SMAD2: variants seen among roughly 807,000 people sequenced by gnomAD.
SMAD2 encodes SMAD family member 2.
In SMAD2, 8 loss-of-function variants were observed where a neutral mutation model predicts 64.4. The observed-to-expected ratio is 0.12, with a 90% CI of 0.07 to 0.22. SMAD2 has a LOEUF of 0.22. Ranked by LOEUF, SMAD2 falls within the 10% of genes least tolerant of loss-of-function variation. The pLI, the probability that SMAD2 is intolerant of heterozygous loss-of-function variation, is 1.00. For missense variants in SMAD2, 289 were observed against 561.2 expected (o/e 0.51, Z 4.90); for synonymous variants, 203 against 195.8 (o/e 1.04, Z -0.31).
At chr18:47,889,056 G>C (rs573143954) in intron 2 of SMAD2, among the ~76,000 whole-genome samples, 1 of 151,620 alleles carries the variant, frequency 6.6e-6, no homozygotes, top group Non-Finnish European at 1.5e-5. Context: ...ACAAAAACAG[G>C]ATCAGTAAAC....
chr18:47,911,016 A>T (rs2034105139), intron 1 of SMAD2, among the ~76,000 whole-genome samples: 1 of 152,242 alleles, frequency 6.6e-6, no homozygotes, highest in Admixed American at 6.5e-5. Context: ...AAAGGTCCTC[A>T]AACTGAGGAT....
chr18:47,841,750 C>A lies in SMAD2; in HGVS notation c.*77G>T. 6.4e-7 allele frequency: 1 copy of A among 1,556,066 alleles called. No homozygotes were observed. Among genetic ancestry groups the A allele is most frequent in the South Asian group, 1.1e-5 (1 of 89,254 alleles). On this transcript the variant is annotated 3_prime_UTR_variant, in exon 11 of 11. Coordinates refer to ENST00000262160, the MANE Select transcript of SMAD2 (RefSeq NM_005901.6). ...CTTGAACTTTTGGATAGTAAACAGT[C>A]CATAGGGACCACACACAATGCTATG...
Position 47,818,124 on chromosome 18 carries a change from T to C in SMAD2, c.*23703A>G, listed in dbSNP as rs948200926. ...AGAGACTGCAGCTATAGAGTTGATA[T>C]GTAGAGTCTTCTAAGCTCTCTAATT... On this transcript the variant is annotated 3_prime_UTR_variant, in exon 11 of 11. Coordinates refer to ENST00000262160, the MANE Select transcript of SMAD2 (RefSeq NM_005901.6). 2 of 152,220 alleles carry C rather than the reference T, an allele frequency of 1.3e-5. No homozygotes were observed. Among genetic ancestry groups the C allele is most frequent in the Non-Finnish European group, 2.9e-5 (2 of 68,042 alleles). The allele number at this position is 152,220 out of a possible 1,614,324, so 9.4% of individuals were successfully genotyped here. A position where few individuals can be genotyped will look rare whatever the true frequency, so the allele number is the denominator to read the frequency against.
In SMAD2 at chr18:47,815,314, G is replaced by A. The variant is rs1912332543; in HGVS notation, c.*26513C>T. 1 of 152,206 alleles carries A rather than the reference G, an allele frequency of 6.6e-6. No individual in the cohort carries two copies. The highest frequency in any genetic ancestry group is 2.1e-4 in the South Asian group (1 of 4,832). The allele number at this position is 152,206 out of a possible 1,614,324, so 9.4% of individuals were successfully genotyped here. A position where few individuals can be genotyped will look rare whatever the true frequency, so the allele number is the denominator to read the frequency against. On this transcript the variant is annotated 3_prime_UTR_variant, in exon 11 of 11. Transcript: ENST00000262160. ...CATGAGAAATTGATGTGAAATGAAG[G>A]AACTGTAACTTCTTTTCTGCATGAT...
At position 47,869,348 on chromosome 18, in the gene SMAD2, T is replaced by C. The variant is rs2144378691; in HGVS notation, c.415A>G (p.Ser139Gly). The change falls in exon 4 of 11, where the codon AGT becomes GGT. Residue 139 changes from serine to glycine, a missense_variant. Ser to Gly is a moderately conservative substitution (Grantham distance 56, BLOSUM62 0). This residue lies in a region of SMAD2 where 119 missense variants were observed against 156.7 expected (regional missense o/e 0.76). Transcript: ENST00000262160. Reference protein sequence around the residue: ...CRLWRWPDLHSHHELKAIENC... With the variant: ...CRLWRWPDLHGHHELKAIENC... ...TCAATTGCCTTGAGTTCATGATGAC[T>C]GTGAAGATCAGGCCAGCGCCATAAT... is the stretch of plus-strand genomic sequence containing the variant. 1 of 1,613,638 alleles carries C rather than the reference T, an allele frequency of 6.2e-7. No homozygotes were observed. Among genetic ancestry groups the C allele is most frequent in the Non-Finnish European group, 8.5e-7 (1 of 1,179,724 alleles).
chr18:47,828,538 T>C lies in SMAD2; in HGVS notation c.*13289A>G. The stretch of plus-strand genomic sequence containing the variant: ...AAAGAGAGATCAGATTGTTGCTGTG[T>C]CTGTGTAGAAAGAAGTAGACATAGG... On this transcript the variant is annotated 3_prime_UTR_variant, in exon 11 of 11. Coordinates refer to ENST00000262160, the MANE Select transcript of SMAD2 (RefSeq NM_005901.6). The C allele has an allele frequency of 5.9e-6, 1 of 169,942 alleles. No homozygotes were observed. 10.5% of individuals were successfully genotyped at this position (169,942 alleles called of 1,614,324 possible).
chr18:47,894,775 G>A (rs2033360307), intron 2 of SMAD2, among the ~76,000 whole-genome samples: 2 of 152,164 alleles, frequency 1.3e-5, no homozygotes, highest in Admixed American at 1.3e-4. Context: ...AGCAAACACT[G>A]TATCTTAACT....
chr18:47,814,121 A>C lies in SMAD2; in HGVS notation c.*27706T>G, dbSNP rs1240425423. The C allele has an allele frequency of 6.6e-6, 1 of 152,226 alleles. No individual in the cohort carries two copies. Among genetic ancestry groups the C allele is most frequent in the African/African-American group, 2.4e-5 (1 of 41,460 alleles). The allele number at this position is 152,226 out of a possible 1,614,324, so 9.4% of individuals were successfully genotyped here. On this transcript the variant is annotated 3_prime_UTR_variant, in exon 11 of 11. Transcript: ENST00000262160. ...CACTGAAGCAAGAGAGTCTGGGGCA[A>C]GAATGTCTCTATTGGGTCAAGACTT...
chr18:47,868,588 T>C, intron 4 of SMAD2, 131 bp from the exon 5 acceptor site: 2 of 684,510 alleles, frequency 2.9e-6, no homozygotes, highest in Non-Finnish European at 5.2e-6. Flanking sequence ...ACTCGATATA[T>C]ACTAGTTACT....
At chr18:47,871,150 C>T (rs778897880) in intron 2 of SMAD2, among the ~76,000 whole-genome samples, 17 of 152,082 alleles carry the variant, frequency 1.1e-4, no homozygotes, top group Non-Finnish European at 2.2e-4. Context: ...CATTTCTCTC[C>T]AGAATATGGG....
In SMAD2 at chr18:47,809,153, C is replaced by A. The variant is rs1467518976; in HGVS notation, c.*32674G>T. The A allele has an allele frequency of 6.6e-6, 1 of 152,362 alleles. No homozygotes were observed. Among genetic ancestry groups the A allele is most frequent in the Non-Finnish European group, 1.5e-5 (1 of 68,162 alleles). The allele number at this position is 152,362 out of a possible 1,614,324, so 9.4% of individuals were successfully genotyped here. ...ACAAGGCTGTCCTCCTCGGGCATCT[C>A]TGGGGAGGTGGAGGTCAAAGGGATG... is the stretch of plus-strand genomic sequence containing the variant. On this transcript the variant is annotated 3_prime_UTR_variant, in exon 11 of 11. Coordinates refer to ENST00000262160, the MANE Select transcript of SMAD2 (RefSeq NM_005901.6).
At chr18:47,845,899 A>AT in intron 8 of SMAD2, 99 bp from the exon 9 acceptor site, 1 of 1,046,194 alleles carries the variant, frequency 9.6e-7, no homozygotes, top group South Asian at 1.3e-5. Flanking sequence ...GATATAAGGT[A>AT]TTTCCAGGAT....
Position 47,831,841 on chromosome 18 carries a change from T to TA in SMAD2, c.*9985dup. On this transcript the variant is annotated 3_prime_UTR_variant, in exon 11 of 11. Coordinates refer to ENST00000262160, the MANE Select transcript of SMAD2 (RefSeq NM_005901.6). ...CATACCTATTTATTGCAGCAAAAGATAATTTTTATGTGTAAATTAGCTTTT... is the reference window on the plus strand; with the variant it reads ...CATACCTATTTATTGCAGCAAAAGATAAATTTTTATGTGTAAATTAGCTTTT... 6.6e-6 allele frequency: 1 copy of TA among 152,370 alleles called. No homozygotes were observed. The highest frequency in any genetic ancestry group is 1.9e-4 in the East Asian group (1 of 5,196). The allele number at this position is 152,370 out of a possible 1,614,324, so 9.4% of individuals were successfully genotyped here. A position where few individuals can be genotyped will look rare whatever the true frequency, so the allele number is the denominator to read the frequency against.
chr18:47,918,890 A>T (rs1215963503), intron 1 of SMAD2, among the ~76,000 whole-genome samples: 1 of 152,190 alleles, frequency 6.6e-6, no homozygotes, highest in East Asian at 1.9e-4. Context: ...TCCCAACAAC[A>T]GTTCCAAACA....
chr18:47,892,809 G>T (rs1339181586), intron 2 of SMAD2, among the ~76,000 whole-genome samples: 2 of 152,126 alleles, frequency 1.3e-5, no homozygotes, highest in African/African-American at 4.8e-5. Flanking sequence ...TCAAAAATGT[G>T]ATTACATGGT....
At chr18:47,915,343 T>A (rs541707377) in intron 1 of SMAD2, among the ~76,000 whole-genome samples, 14 of 152,318 alleles carry the variant, frequency 9.2e-5, no homozygotes, top group African/African-American at 3.4e-4. Context: ...TACTGTTCAG[T>A]CCATGCTGAT....
At chr18:47,893,407 T>A (rs943471740) in intron 2 of SMAD2, among the ~76,000 whole-genome samples, 13 of 152,312 alleles carry the variant, frequency 8.5e-5, no homozygotes, top group Non-Finnish European at 1.6e-4. Context: ...CAGAAAACAT[T>A]TGCCATTTCT....
In SMAD2 at chr18:47,891,317, GCAAAA is replaced by G. The variant is rs1480386008; in HGVS notation, c.236+5199_236+5203del. ...CAAAACTCTGTCTCGTTTCTAAGAGGCAAAACAAAATCCAAATGTTAATGGCAGCA... is the reference window on the plus strand; with the variant it reads ...CAAAACTCTGTCTCGTTTCTAAGAGGCAAAATCCAAATGTTAATGGCAGCA... On this transcript the variant is annotated intron_variant, in intron 2 of 10. Coordinates refer to ENST00000262160, the MANE Select transcript of SMAD2 (RefSeq NM_005901.6). Among the ~76,000 whole-genome samples the G allele has an allele frequency of 4.6e-5, 7 of 152,112 alleles. No homozygotes were observed. The East Asian group carries it at 1.4e-3, about 29-fold the overall frequency.
chr18:47,902,819 G>A (rs939425009), intron 1 of SMAD2, among the ~76,000 whole-genome samples: 8 of 152,140 alleles, frequency 5.3e-5, no homozygotes, highest in Admixed American at 4.6e-4. Context: ...GAGAAGAGAG[G>A]CTGCATGGAT....
Sources: allele counts gnomAD v4.1 joint callset (sites outside exome capture counted in the v4.1 genomes callset), GRCh38; gene constraint gnomAD v4.1.1; regional missense constraint gnomAD v4.1.1; transcripts MANE v1.5; gene names NCBI Gene and HGNC (gene_info 2026-07-23, HGNC 2026-07-21).